The following STPG2 variants were observed in gnomAD, a reference collection of about 807,000 sequenced individuals.
STPG2 encodes the protein sperm tail PG-rich repeat containing 2.
A neutral mutation model predicts 54.2 loss-of-function variants in STPG2; 56 were observed. The observed-to-expected ratio is 1.03, with a 90% CI of 0.83 to 1.29. STPG2 has a LOEUF of 1.29. Among genes scored for constraint, STPG2 ranks in the 50% most tolerant of loss-of-function variants. The pLI is 0.00. For synonymous variants in STPG2, 200 were observed against 181.8 expected (o/e 1.10, Z -0.81); for missense variants, 596 against 544.9 (o/e 1.09, Z -0.93).
intron 10 of STPG2, among the ~76,000 whole-genome samples, chr4:97,665,259 A>G (rs1361994569): frequency 6.6e-6 from 1 of 152,178 alleles, no homozygotes; most frequent in Admixed American, 6.5e-5. Context: ...CAGCCTCACC[A>G]TTCGGCAGTT....
intron 8 of STPG2, among the ~76,000 whole-genome samples, chr4:97,926,524 A>C (rs541927193): frequency 2.6e-5 from 4 of 152,154 alleles, no homozygotes; most frequent in Non-Finnish European, 5.9e-5. Context: ...GGTCCCAAGA[A>C]CCATTATAAA....
At chr4:97,977,658 A>G (rs1429108945) in intron 6 of STPG2, among the ~76,000 whole-genome samples, 4 of 152,210 alleles carry the variant, frequency 2.6e-5, no homozygotes, top group Non-Finnish European at 5.9e-5. Context: ...GTGCTAGAAT[A>G]TCACTTCCAC....
At chr4:97,768,709 T>C (rs938992059) in intron 9 of STPG2, among the ~76,000 whole-genome samples, 5 of 152,072 alleles carry the variant, frequency 3.3e-5, no homozygotes, top group African/African-American at 1.2e-4. Flanking sequence ...TCTCTCTTTT[T>C]TTTTTTTCCC....
intron 10 of STPG2, among the ~76,000 whole-genome samples, chr4:97,674,694 G>T (rs1403882067): frequency 1.3e-5 from 2 of 152,150 alleles, no homozygotes; most frequent in Admixed American, 6.5e-5. Context: ...GCACTGCATT[G>T]CTATTGATGA....
intron 6 of STPG2, among the ~76,000 whole-genome samples, chr4:97,979,362 C>T (rs909681388): frequency 2.6e-5 from 4 of 152,172 alleles, no homozygotes; most frequent in Non-Finnish European, 5.9e-5. Flanking sequence ...GAAATGCTAA[C>T]ATGTGCCCAG....
intron 5 of STPG2, among the ~76,000 whole-genome samples, chr4:98,009,243 G>A (rs1735663835): frequency 6.6e-6 from 1 of 151,322 alleles, no homozygotes; most frequent in South Asian, 2.1e-4. Context: ...TCTTAGAATT[G>A]CATTCACTGC....
chr4:97,861,719 C>A (rs56411054), intron 8 of STPG2, among the ~76,000 whole-genome samples: 24,623 of 152,038 alleles, frequency 0.16, 2,165 homozygotes, highest in East Asian at 0.36. Flanking sequence ...CTAACAGCTG[C>A]TCTCTCGGCA....
intron 9 of STPG2, among the ~76,000 whole-genome samples, chr4:97,763,783 T>C (rs746208959): frequency 6.6e-6 from 1 of 152,112 alleles, no homozygotes. Context: ...ATGTTGCTGA[T>C]TACTTATCAA....
chr4:97,659,329 T>C (rs879920846), intron 10 of STPG2, among the ~76,000 whole-genome samples: 1 of 152,196 alleles, frequency 6.6e-6, no homozygotes, highest in Non-Finnish European at 1.5e-5. Flanking sequence ...ATTGAGCATA[T>C]TCAGGCTCTA....
chr4:97,946,113 A>G (rs966853370), intron 7 of STPG2, among the ~76,000 whole-genome samples: 1 of 152,058 alleles, frequency 6.6e-6, no homozygotes, highest in Non-Finnish European at 1.5e-5. Context: ...GTGGTATCTC[A>G]TTGCGGTTTT....
At chr4:97,880,484 C>G (rs909721435) in intron 8 of STPG2, among the ~76,000 whole-genome samples, 1 of 151,892 alleles carries the variant, frequency 6.6e-6, no homozygotes, top group Non-Finnish European at 1.5e-5. Flanking sequence ...GAAAATAAAC[C>G]CTTGAGAAGG....
At chr4:97,984,360 G>GT (rs1734767254) in intron 5 of STPG2, among the ~76,000 whole-genome samples, 1 of 151,994 alleles carries the variant, frequency 6.6e-6, no homozygotes, top group Non-Finnish European at 1.5e-5. Context: ...GGCCAGGCTC[G>GT]TCTCAAACTG....
Position 97,537,171 on chromosome 4 carries a change from T to G in STPG2, c.462+175528A>C, listed in dbSNP as rs548500014. Among the ~76,000 whole-genome samples, 23 of 152,246 alleles carry G rather than the reference T, an allele frequency of 1.5e-4. 1 individual carries two copies. The South Asian group carries it at 4.8e-3, about 32-fold the overall frequency. Reference sequence around the variant, plus strand: ...TTCCAACTGAGGTACCGTGTTCATCTCACTGGGACCTGTCGGACAGTGGGT... The same window carrying G: ...TTCCAACTGAGGTACCGTGTTCATCGCACTGGGACCTGTCGGACAGTGGGT... On this transcript the variant is annotated intron_variant, in intron 4 of 4. Coordinates refer to the STPG2 transcript ENST00000522676.
At chr4:98,064,721 C>T (rs941000943) in intron 5 of STPG2, among the ~76,000 whole-genome samples, 1 of 152,188 alleles carries the variant, frequency 6.6e-6, no homozygotes, top group Non-Finnish European at 1.5e-5. Flanking sequence ...GGTATATTGT[C>T]TACCATCATT....
At chr4:98,135,660 A>G (rs995347292) in intron 1 of STPG2, among the ~76,000 whole-genome samples, 2 of 151,762 alleles carry the variant, frequency 1.3e-5, no homozygotes, top group Admixed American at 1.3e-4. Flanking sequence ...ATCAGAGAAG[A>G]AGGGAAGAGG....
At chr4:98,084,817 A>G (rs1341786079) in intron 5 of STPG2, among the ~76,000 whole-genome samples, 2 of 152,132 alleles carry the variant, frequency 1.3e-5, no homozygotes, top group African/African-American at 4.8e-5. Context: ...TAGTCTTCGT[A>G]TTGAGTTATA....
intron 8 of STPG2, among the ~76,000 whole-genome samples, chr4:97,929,145 CTGCA>C (rs1477529021): frequency 6.6e-6 from 1 of 152,104 alleles, no homozygotes; most frequent in Non-Finnish European, 1.5e-5. Context: ...TTTTCTGTTC[CTGCA>C]TTAGTTTACT....
At chr4:97,794,347 T>G (rs1009207290) in intron 9 of STPG2, among the ~76,000 whole-genome samples, 2 of 152,090 alleles carry the variant, frequency 1.3e-5, no homozygotes. Context: ...CAAAACAGAA[T>G]GATGTCTTAA....
intron 8 of STPG2, among the ~76,000 whole-genome samples, chr4:97,907,631 C>G (rs1731491424): frequency 6.6e-6 from 1 of 152,148 alleles, no homozygotes. Flanking sequence ...TACAAGGCTA[C>G]AGTAACCAAA....
Sources: allele counts gnomAD v4.1 joint callset (sites outside exome capture counted in the v4.1 genomes callset), GRCh38; gene constraint gnomAD v4.1.1; transcripts MANE v1.5; gene names NCBI Gene and HGNC (gene_info 2026-07-23, HGNC 2026-07-21).